Variants in RNGTT observed in about 807,000 individuals in gnomAD.
The protein encoded by RNGTT is RNA guanylyltransferase and 5'-phosphatase, also known as mRNA-capping enzyme.
In RNGTT, 33 loss-of-function variants were observed where a neutral mutation model predicts 79.3. That is an observed-to-expected ratio of 0.42 (90% confidence interval 0.32 to 0.56). The LOEUF is 0.56. Among genes scored for constraint, RNGTT ranks in the 20% least tolerant of loss-of-function variants. RNGTT has a pLI of 0.17. For synonymous variants in RNGTT, 222 were observed against 235.9 expected, an observed-to-expected ratio of 0.94 and a Z score of 0.54; for missense variants, 497 against 739.1, an observed-to-expected ratio of 0.67 and a Z score of 3.80.
chr6:88,949,704 G>A (rs943524474), intron 1 of RNGTT, among the ~76,000 whole-genome samples: 6 of 152,174 alleles, frequency 3.9e-5, no homozygotes, highest in African/African-American at 1.4e-4. Context: ...GGCTGAGAGA[G>A]GTAAGGAAGC....
At chr6:88,911,883 C>T (rs899126778) in intron 4 of RNGTT, among the ~76,000 whole-genome samples, 1 of 151,856 alleles carries the variant, frequency 6.6e-6, no homozygotes, top group Non-Finnish European at 1.5e-5. Flanking sequence ...GTCTAGAGTT[C>T]GAAACCAGCC....
chr6:88,684,589 A>G (rs1390467934), intron 13 of RNGTT, among the ~76,000 whole-genome samples: 2 of 152,234 alleles, frequency 1.3e-5, no homozygotes, highest in African/African-American at 4.8e-5. Context: ...ACACAGAGGA[A>G]AGTAACAGTA....
chr6:88,740,208 A>T (rs1009333171), intron 13 of RNGTT, among the ~76,000 whole-genome samples: 2 of 152,108 alleles, frequency 1.3e-5, no homozygotes, highest in African/African-American at 4.8e-5. Context: ...GAACAGCAGA[A>T]TTAAAAGCGA....
chr6:88,963,224 G>T, intron 1 of RNGTT, 122 bp downstream of exon 1: 1 of 967,486 alleles, frequency 1.0e-6, no homozygotes, highest in South Asian at 1.4e-5. Flanking sequence ...ATCCGACGGA[G>T]CATATCCCGC....
chr6:88,731,538 G>A (rs777351461), intron 13 of RNGTT, among the ~76,000 whole-genome samples: 8 of 152,156 alleles, frequency 5.3e-5, no homozygotes, highest in Non-Finnish European at 1.0e-4. Context: ...AATTGTTAAT[G>A]TCAGCAGAGA....
At chr6:88,795,470 G>A (rs1416966068) in intron 12 of RNGTT, among the ~76,000 whole-genome samples, 1 of 152,076 alleles carries the variant, frequency 6.6e-6, no homozygotes, top group African/African-American at 2.4e-5. Context: ...TCACTTATAA[G>A]TGGGAGCTGA....
chr6:88,874,370 T>C (rs1042729561), intron 8 of RNGTT, among the ~76,000 whole-genome samples: 1 of 152,120 alleles, frequency 6.6e-6, no homozygotes, highest in African/African-American at 2.4e-5. Flanking sequence ...TTTTAATTTT[T>C]ATAAAGTAAT....
intron 12 of RNGTT, among the ~76,000 whole-genome samples, chr6:88,774,663 G>A (rs1186341673): frequency 6.6e-6 from 1 of 152,152 alleles, no homozygotes; most frequent in East Asian, 1.9e-4. Flanking sequence ...GATACGTGCT[G>A]CCAAACGGAT....
intron 6 of RNGTT, among the ~76,000 whole-genome samples, chr6:88,899,584 G>A (rs1362802304): frequency 6.6e-6 from 1 of 151,660 alleles, no homozygotes; most frequent in Non-Finnish European, 1.5e-5. Flanking sequence ...AGCCTAATTA[G>A]ACTAACTTTG....
intron 12 of RNGTT, among the ~76,000 whole-genome samples, chr6:88,778,241 C>T (rs975799561): frequency 2.0e-5 from 3 of 151,904 alleles, no homozygotes; most frequent in Admixed American, 6.6e-5. Flanking sequence ...CATTGTAAGC[C>T]TTGAAGGATG....
chr6:88,690,954 T>A (rs1266646266), intron 13 of RNGTT, among the ~76,000 whole-genome samples: 1 of 152,178 alleles, frequency 6.6e-6, no homozygotes, highest in Non-Finnish European at 1.5e-5. Context: ...TATAATATTA[T>A]ACACCAATGA....
chr6:88,915,397 A>G (rs1783966873), intron 4 of RNGTT, among the ~76,000 whole-genome samples: 1 of 152,250 alleles, frequency 6.6e-6, no homozygotes, highest in South Asian at 2.1e-4. Context: ...CTAGGTAAAT[A>G]AAATGCAGTA....
Position 88,714,664 on chromosome 6 carries a change from G to A in RNGTT, c.1440-36245C>T, listed in dbSNP as rs371471234. 7.2e-4 allele frequency among the ~76,000 whole-genome samples: 65 copies of A among 90,744 alleles called. 4 individuals are homozygous for A. Among genetic ancestry groups the A allele is most frequent in the Non-Finnish European group, 2.3e-4 (12 of 52,748 alleles). 59.5% of individuals were successfully genotyped at this position (90,744 alleles called of 152,430 possible). A position where few individuals can be genotyped will look rare whatever the true frequency, so the allele number is the denominator to read the frequency against. ...TCACCGTTTTAGCCGGGATGGTCTC[G>A]ATCTCCTGACCTCGTGATCCGCCCG... On this transcript the variant is annotated intron_variant, in intron 13 of 15. Transcript: ENST00000369485.
chr6:88,700,938 T>C (rs182809065), intron 13 of RNGTT, among the ~76,000 whole-genome samples: 1 of 152,256 alleles, frequency 6.6e-6, no homozygotes, highest in East Asian at 1.9e-4. Context: ...ATACATGATA[T>C]TAAAAAGGGA....
chr6:88,629,737 G>C (rs1772776620), intron 14 of RNGTT, among the ~76,000 whole-genome samples: 1 of 152,146 alleles, frequency 6.6e-6, no homozygotes, highest in Non-Finnish European at 1.5e-5. Context: ...TTTCTGGAAA[G>C]TTGTTTTCTG....
At chr6:88,732,529 C>CT (rs1777151089) in intron 13 of RNGTT, among the ~76,000 whole-genome samples, 1 of 152,188 alleles carries the variant, frequency 6.6e-6, no homozygotes, top group Admixed American at 6.5e-5. Context: ...TAACTAAAAA[C>CT]TGTGTGTTAA....
intron 14 of RNGTT, among the ~76,000 whole-genome samples, chr6:88,673,085 T>C (rs138657505): frequency 9.4e-4 from 143 of 152,308 alleles, no homozygotes; most frequent in African/African-American, 3.2e-3. Context: ...TTTAGAAATA[T>C]AGTTGTAAAA....
intron 1 of RNGTT, among the ~76,000 whole-genome samples, chr6:88,946,214 T>A (rs542743288): frequency 5.9e-5 from 9 of 152,208 alleles, no homozygotes; most frequent in Admixed American, 6.5e-5. Flanking sequence ...TTCAAGCTTT[T>A]TTATTATTAT....
chr6:88,740,988 A>G (rs1292141843), intron 13 of RNGTT, among the ~76,000 whole-genome samples: 1 of 152,190 alleles, frequency 6.6e-6, no homozygotes, highest in African/African-American at 2.4e-5. Context: ...ACACTTGTAC[A>G]CTGTTGATGA....
Sources: allele counts gnomAD v4.1 joint callset (sites outside exome capture counted in the v4.1 genomes callset), GRCh38; gene constraint gnomAD v4.1.1; transcripts MANE v1.5; gene names NCBI Gene and HGNC (gene_info 2026-07-23, HGNC 2026-07-21).